The following TNNI3K variants were observed in gnomAD, a reference collection of about 807,000 sequenced individuals.
TNNI3K encodes TNNI3 interacting kinase.
A neutral mutation model predicts 114.5 loss-of-function variants in TNNI3K; 140 were observed. The observed-to-expected ratio is 1.22, with a 90% CI of 1.07 to 1.41. The LOEUF is 1.41. Among genes scored for constraint, TNNI3K ranks in the 40% most tolerant of loss-of-function variants. The pLI, the probability that TNNI3K is intolerant of heterozygous loss-of-function variation, is 0.00. For missense variants in TNNI3K, 1,125 were observed against 1,007.6 expected (o/e 1.12, Z -1.58); for synonymous variants, 347 against 347.5 (o/e 1.00, Z 0.02).
chr1:74,266,168 T>G (rs1047856700), intron 4 of TNNI3K, among the ~76,000 whole-genome samples: 1 of 152,018 alleles, frequency 6.6e-6, no homozygotes, highest in Non-Finnish European at 1.5e-5. Context: ...TGAGAAAATG[T>G]GAATGAATGG....
At chr1:74,249,674 C>T in intron 3 of TNNI3K, 130 bp downstream of exon 3, 5 of 758,074 alleles carry the variant, frequency 6.6e-6, no homozygotes, top group East Asian at 3.1e-5. Context: ...CCTTTTCCAA[C>T]CTTGATAATC....
At chr1:74,505,765 C>G (rs145901000) in intron 23 of TNNI3K, among the ~76,000 whole-genome samples, 1 of 151,918 alleles carries the variant, frequency 6.6e-6, no homozygotes, top group Non-Finnish European at 1.5e-5. Flanking sequence ...TGGCAACTAA[C>G]GAAATCTGAA....
At chr1:74,460,942 C>G (rs1049279183) in intron 20 of TNNI3K, among the ~76,000 whole-genome samples, 5 of 152,178 alleles carry the variant, frequency 3.3e-5, no homozygotes, top group African/African-American at 1.2e-4. Context: ...AAAAGAATTT[C>G]AAAGGGGGAT....
intron 23 of TNNI3K, among the ~76,000 whole-genome samples, chr1:74,524,316 G>A: frequency 6.6e-6 from 1 of 152,162 alleles, no homozygotes; most frequent in African/African-American, 2.4e-5. Flanking sequence ...TAGCTCTGTG[G>A]GCCTGCCAGA....
intron 5 of TNNI3K, among the ~76,000 whole-genome samples, chr1:74,323,454 T>TTA (rs1659733081): frequency 6.6e-6 from 1 of 152,104 alleles, no homozygotes; most frequent in South Asian, 2.1e-4. Context: ...CACATTTTTT[T>TTA]TTTTGCCTTC....
At chr1:74,518,873 CCTTTTTTT>C (rs1291521341) in intron 23 of TNNI3K, among the ~76,000 whole-genome samples, 7 of 100,332 alleles carry the variant, frequency 7.0e-5, no homozygotes, top group East Asian at 5.8e-4. Context: ...TTTTTTTTCC[CCTTTTTTT>C]TTTTTTTTTT....
At chr1:74,482,102 T>C (rs1203364553) in intron 21 of TNNI3K, among the ~76,000 whole-genome samples, 10 of 152,332 alleles carry the variant, frequency 6.6e-5, no homozygotes, top group African/African-American at 2.4e-4. Flanking sequence ...CAGTTCGGCA[T>C]TTTGTTTCTC....
intron 6 of TNNI3K, among the ~76,000 whole-genome samples, chr1:74,332,510 C>T (rs1246171849): frequency 6.6e-6 from 1 of 152,004 alleles, no homozygotes; most frequent in East Asian, 1.9e-4. Flanking sequence ...CCATGTTAGC[C>T]AGGATGGTCT....
chr1:74,441,751 GAC>G (rs1666383526), intron 20 of TNNI3K, among the ~76,000 whole-genome samples: 1 of 151,994 alleles, frequency 6.6e-6, no homozygotes, highest in Admixed American at 6.6e-5. Flanking sequence ...TAGAAATATT[GAC>G]ACTTTATGTG....
intron 17 of TNNI3K, among the ~76,000 whole-genome samples, chr1:74,418,836 C>T (rs995470785): frequency 1.3e-5 from 2 of 151,868 alleles, no homozygotes; most frequent in Non-Finnish European, 2.9e-5. Context: ...TCGGTCATTG[C>T]AATGTTTTAT....
chr1:74,409,282 G>C (rs976571696), intron 17 of TNNI3K, among the ~76,000 whole-genome samples: 1 of 151,912 alleles, frequency 6.6e-6, no homozygotes, highest in African/African-American at 2.4e-5. Context: ...CAAACTCCCC[G>C]CTGTTATGAC....
In TNNI3K at chr1:74,436,473, G is replaced by C. The variant is rs746867393; in HGVS notation, c.1826-1G>C. ...CGTGATTTATTTTCTCTTTCCCTCA[G>C]AATCAAGATTTCTACAGTCTCTGGA... On this transcript the variant is annotated splice_acceptor_variant, in intron 18 of 24. Transcript: ENST00000326637. LOFTEE classifies it high-confidence loss of function. The C allele has an allele frequency of 6.3e-7, 1 of 1,576,052 alleles. No homozygotes were observed. The highest frequency in any genetic ancestry group is 8.5e-7 in the Non-Finnish European group (1 of 1,169,630).
rs183373908 is a variant in TNNI3K, at chr1:74,409,618, C to T, written c.1773-26462C>T. ...AAGTGATTCTCCTGCCTCAACCTCC[C>T]GAGTAGCTAGGATTACAGGTGTCTG... is the stretch of plus-strand genomic sequence containing the variant. On this transcript the variant is annotated intron_variant, in intron 17 of 24. Transcript: ENST00000326637. Among the ~76,000 whole-genome samples the T allele has an allele frequency of 4.0e-3, 606 of 151,188 alleles. 6 individuals are homozygous for T. The highest frequency in any genetic ancestry group is 0.014 in the African/African-American group (566 of 41,238).
intron 23 of TNNI3K, among the ~76,000 whole-genome samples, chr1:74,539,159 T>A (rs1003619400): frequency 6.6e-6 from 1 of 152,016 alleles, no homozygotes; most frequent in Non-Finnish European, 1.5e-5. Context: ...AGATGGATAG[T>A]TTAGGATTAT....
At chr1:74,456,101 G>A (rs1410857867) in intron 20 of TNNI3K, among the ~76,000 whole-genome samples, 2 of 152,166 alleles carry the variant, frequency 1.3e-5, no homozygotes, top group African/African-American at 4.8e-5. Flanking sequence ...ATTCAAAACT[G>A]GAAGCAGGGA....
intron 17 of TNNI3K, among the ~76,000 whole-genome samples, chr1:74,409,562 C>CGA (rs1664784598): frequency 6.9e-6 from 1 of 145,298 alleles, no homozygotes; most frequent in African/African-American, 2.6e-5. Flanking sequence ...GGCACCATCT[C>CGA]GGCTCACTGC....
At chr1:74,497,029 T>A (rs994082523) in intron 23 of TNNI3K, among the ~76,000 whole-genome samples, 3 of 152,212 alleles carry the variant, frequency 2.0e-5, no homozygotes, top group African/African-American at 7.2e-5. Context: ...ACATTTGGGA[T>A]TAATTTTTCA....
intron 17 of TNNI3K, among the ~76,000 whole-genome samples, chr1:74,415,975 G>A (rs1472446250): frequency 6.6e-6 from 1 of 152,114 alleles, no homozygotes; most frequent in Non-Finnish European, 1.5e-5. Context: ...TGGACACAAA[G>A]AACAGAAAGA....
In TNNI3K at chr1:74,401,753, A is replaced by G. The variant is rs1160208543; in HGVS notation, c.1772+31361A>G. 7.5e-5 allele frequency: 32 copies of G among 426,666 alleles called. No homozygotes were observed. In the Admixed American group the frequency reaches 7.6e-4, roughly 10 times the overall value. 26.4% of individuals were successfully genotyped at this position (426,666 alleles called of 1,614,324 possible). On this transcript the variant is annotated intron_variant, in intron 17 of 24. Transcript: ENST00000326637. ...AAATATGATCAGATTCGTCTTTGCC[A>G]TGTAAATTCAAACCATAAAATTGCT...
Sources: gnomAD v4.1 joint callset for allele counts (sites outside exome capture counted in the v4.1 genomes callset) on GRCh38, gnomAD v4.1.1 for gene constraint, MANE v1.5 for transcripts, NCBI Gene and HGNC (gene_info 2026-07-23, HGNC 2026-07-21) for gene names.